Variants in FLT1 observed in about 807,000 individuals in gnomAD.
The protein encoded by FLT1 is fms related receptor tyrosine kinase 1.
FLT1 carries 49 observed loss-of-function variants against 156.3 expected under a neutral mutation model. The observed-to-expected ratio is 0.31, with a 90% CI of 0.25 to 0.40. The LOEUF is 0.40. Ranked by LOEUF, FLT1 falls within the 10% of genes least tolerant of loss-of-function variation. The pLI is 1.00. For synonymous variants in FLT1, 594 were observed against 583.8 expected, an observed-to-expected ratio of 1.02 and a Z score of -0.25; for missense variants, 1,322 against 1,637.2, an observed-to-expected ratio of 0.81 and a Z score of 3.32.
In FLT1 at chr13:28,357,776, C is replaced by T. The variant is rs948748569; in HGVS notation, c.2117-91G>A. The T allele has an allele frequency of 8.2e-6, 10 of 1,215,972 alleles. No homozygotes were observed. In the African/African-American group the frequency reaches 1.3e-4, roughly 16 times the overall value. 75.3% of individuals were successfully genotyped at this position (1,215,972 alleles called of 1,614,324 possible). A position where few individuals can be genotyped will look rare whatever the true frequency, so the allele number is the denominator to read the frequency against. ...ACACAGCCTTCTTCCTATCATTATG[C>T]ATTCAGACAAGGAAATCCGAGCTCT... On this transcript the variant is annotated intron_variant, in intron 14 of 29. Coordinates refer to ENST00000282397, the MANE Select transcript of FLT1 (RefSeq NM_002019.4).
Position 28,307,656 on chromosome 13 carries a change from G to A in FLT1, c.3721-884C>T, listed in dbSNP as rs571970289. On this transcript the variant is annotated intron_variant, in intron 28 of 29. Coordinates refer to ENST00000282397, the MANE Select transcript of FLT1 (RefSeq NM_002019.4). The stretch of plus-strand genomic sequence containing the variant: ...GACAAGGTTGTGGTTTTTCGTTTTT[G>A]ATTTTTTTTTTTTTAAGGGTGACTG... Among the ~76,000 whole-genome samples the A allele has an allele frequency of 7.6e-4, 36 of 47,146 alleles. No individual in the cohort carries two copies. The East Asian group carries it at 0.017, about 22-fold the overall frequency. The allele number at this position is 47,146 out of a possible 152,430, so 30.9% of individuals were successfully genotyped here. A position where few individuals can be genotyped will look rare whatever the true frequency, so the allele number is the denominator to read the frequency against.
intron 13 of FLT1, chr13:28,389,305 C>G: frequency 8.3e-7 from 1 of 1,201,670 alleles, no homozygotes; most frequent in Non-Finnish European, 1.0e-6. Context: ...GGAAAATTAA[C>G]TTATTCGTGT....
intron 3 of FLT1, among the ~76,000 whole-genome samples, chr13:28,457,865 T>C (rs1046496336): frequency 2.6e-5 from 4 of 152,128 alleles, no homozygotes; most frequent in Non-Finnish European, 4.4e-5. Context: ...TGAGAGAATA[T>C]GGTCAATTTT....
At chr13:28,429,531 A>T (rs1027539626) in intron 8 of FLT1, among the ~76,000 whole-genome samples, 3 of 152,204 alleles carry the variant, frequency 2.0e-5, no homozygotes, top group African/African-American at 7.2e-5. Context: ...GCCAAAAAAA[A>T]CTTAATTAGT....
chr13:28,364,314 G>A (rs1873212024), intron 14 of FLT1, among the ~76,000 whole-genome samples: 1 of 152,216 alleles, frequency 6.6e-6, no homozygotes, highest in South Asian at 2.1e-4. Flanking sequence ...TTGGGCTCAA[G>A]TGATCCTCCA....
chr13:28,403,099 T>C (rs1366246028), intron 11 of FLT1, among the ~76,000 whole-genome samples: 2 of 152,110 alleles, frequency 1.3e-5, no homozygotes, highest in Non-Finnish European at 2.9e-5. Context: ...TGGCCTTCAT[T>C]ATGTTATTTC....
At chr13:28,402,683 G>A (rs1875521759) in intron 11 of FLT1, among the ~76,000 whole-genome samples, 1 of 152,154 alleles carries the variant, frequency 6.6e-6, no homozygotes, top group South Asian at 2.1e-4. Context: ...TCAGTTTAGG[G>A]AATTGCATAA....
intron 8 of FLT1, among the ~76,000 whole-genome samples, chr13:28,429,422 A>T (rs373891495): frequency 2.0e-5 from 3 of 152,206 alleles, no homozygotes; most frequent in African/African-American, 7.2e-5. Flanking sequence ...TTGTAAAATG[A>T]TTGCAGATCA....
At chr13:28,477,158 G>T (rs931872301) in intron 1 of FLT1, among the ~76,000 whole-genome samples, 2 of 152,174 alleles carry the variant, frequency 1.3e-5, no homozygotes, top group Non-Finnish European at 2.9e-5. Context: ...TCTTCCGCAT[G>T]CCTCTCTGAG....
chr13:28,405,869 C>G lies in FLT1; in HGVS notation c.1462G>C (p.Glu488Gln), dbSNP rs1464261606. ...CTGTCAGCATCCAGGATAAAGGACT[C>G]TTCATTATTGGAACAAAAGTCACAC... is the stretch of plus-strand genomic sequence containing the variant. ...ARCDFCSNNE[E>Q]SFILDADSNM... Residue 488 changes from glutamate to glutamine, a missense_variant, in exon 11 of 30, where the codon GAG becomes CAG. Glu to Gln is a conservative substitution (Grantham distance 29, BLOSUM62 2). This residue lies in a region of FLT1 where 991 missense variants were observed against 1,254.8 expected (regional missense o/e 0.79). Coordinates refer to ENST00000282397, the MANE Select transcript of FLT1 (RefSeq NM_002019.4). The G allele has an allele frequency of 6.2e-7, 1 of 1,605,920 alleles. No individual in the cohort carries two copies. Among genetic ancestry groups the G allele is most frequent in the Non-Finnish European group, 8.5e-7 (1 of 1,174,746 alleles).
At chr13:28,424,279 A>G (rs1049485012) in intron 10 of FLT1, among the ~76,000 whole-genome samples, 1 of 151,922 alleles carries the variant, frequency 6.6e-6, no homozygotes. Context: ...CTAAAAAGGG[A>G]AAGATTCTGC....
At chr13:28,426,205 A>C (rs1313956672) in intron 10 of FLT1, among the ~76,000 whole-genome samples, 4 of 150,950 alleles carry the variant, frequency 2.6e-5, no homozygotes, top group African/African-American at 9.8e-5. Context: ...TAAGGAAAAT[A>C]GTTTGGCATA....
In FLT1 at chr13:28,467,067, C is replaced by T. The variant is rs1393191546; in HGVS notation, c.224G>A (p.Ser75Asn). The T allele has an allele frequency of 6.2e-7, 1 of 1,614,152 alleles. No individual in the cohort carries two copies. Among genetic ancestry groups the T allele is most frequent in the Non-Finnish European group, 8.5e-7 (1 of 1,180,024 alleles). ...EMVSKESERL[S>N]ITKSACGRNG... ...TCTTCCACAGGCAGATTTAGTTATG[C>T]TCAGCCTTTCGCTTTCCTTACTCAC... The change falls in exon 3 of 30, where the codon AGC becomes AAC. Residue 75 changes from serine (S) to asparagine (N), a missense_variant. Physicochemically the swap from Ser to Asn is conservative, Grantham distance 46. Coordinates refer to ENST00000282397, the MANE Select transcript of FLT1 (RefSeq NM_002019.4).
chr13:28,482,939 C>G (rs1880944550), intron 1 of FLT1, among the ~76,000 whole-genome samples: 1 of 152,188 alleles, frequency 6.6e-6, no homozygotes, highest in Non-Finnish European at 1.5e-5. Flanking sequence ...AGTGGCTGAA[C>G]CACTTTTAGC....
At chr13:28,473,819 AAAGAAAGAAAGAAAGAAAGG>A (rs1343553232) in intron 1 of FLT1, among the ~76,000 whole-genome samples, 1,285 of 123,820 alleles carry the variant, frequency 0.01, 63 homozygotes, top group African/African-American at 0.034. Flanking sequence ...AGAAAGAAAG[AAAGAAAGAAAGAAAGAAAGG>A]AAGAAAGAAA....
chr13:28,421,433 G>A (rs895255040), intron 10 of FLT1, among the ~76,000 whole-genome samples: 3 of 152,228 alleles, frequency 2.0e-5, no homozygotes, highest in African/African-American at 7.2e-5. Context: ...CAGAGAATGA[G>A]CATGCCTTCA....
At chr13:28,443,260 A>G (rs1245327165) in intron 3 of FLT1, among the ~76,000 whole-genome samples, 1 of 152,240 alleles carries the variant, frequency 6.6e-6, no homozygotes, top group Non-Finnish European at 1.5e-5. Context: ...ACAGAGAAAG[A>G]TCAAACAGGG....
rs981176069 is a variant in FLT1 at position 28,467,721 on chromosome 13, A to G, written c.65-104T>C. The G allele has an allele frequency of 1.1e-4, 70 of 654,640 alleles. No homozygotes were observed. The African/African-American group carries it at 1.2e-3, about 11-fold the overall frequency. 40.6% of individuals were successfully genotyped at this position (654,640 alleles called of 1,614,324 possible). ...AGTTTTTCATTTTTAATTTATTTAC[A>G]TCTTTAATTTACTTGTATCTTTAAT... On this transcript the variant is annotated intron_variant, in intron 1 of 29. Transcript: ENST00000282397.
intron 1 of FLT1, among the ~76,000 whole-genome samples, chr13:28,473,733 G>GAGAAA: frequency 2.1e-5 from 1 of 47,930 alleles, no homozygotes; most frequent in South Asian, 9.2e-4. Flanking sequence ...AAAGAAAGAA[G>GAGAAA]GAAGGAAGGA....
Sources: gnomAD v4.1 joint callset for allele counts (sites outside exome capture counted in the v4.1 genomes callset) on GRCh38, gnomAD v4.1.1 for gene constraint, gnomAD v4.1.1 regional missense constraint, MANE v1.5 for transcripts, NCBI Gene and HGNC (gene_info 2026-07-23, HGNC 2026-07-21) for gene names.